The following IZUMO2 variants were observed in gnomAD, a reference collection of about 807,000 sequenced individuals.
IZUMO2 encodes izumo sperm-egg fusion protein 2.
A neutral mutation model predicts 31.2 loss-of-function variants in IZUMO2; 24 were observed. That is an observed-to-expected ratio of 0.77 (90% confidence interval 0.56 to 1.08). The LOEUF (loss-of-function observed/expected upper bound fraction) is 1.08. IZUMO2 is among the 50% of genes least tolerant of loss of function. IZUMO2 has a pLI of 0.00. For missense variants in IZUMO2, 278 were observed against 274.0 expected, an observed-to-expected ratio of 1.01 and a Z score of -0.10; for synonymous variants, 144 against 117.3, an observed-to-expected ratio of 1.23 and a Z score of -1.47.
chr19:50,154,515 A>G (rs1382753302), intron 6 of IZUMO2, 85 bp downstream of exon 6: 9 of 1,304,822 alleles, frequency 6.9e-6, no homozygotes, highest in Non-Finnish European at 9.4e-6. Flanking sequence ...CCCAAAGTAC[A>G]CAGTGACCCA....
intron 6 of IZUMO2, among the ~76,000 whole-genome samples, 169 bp from the exon 7 acceptor site, chr19:50,152,820 G>A (rs185589736): frequency 5.8e-4 from 88 of 152,214 alleles, no homozygotes; most frequent in Non-Finnish European, 9.9e-4. Flanking sequence ...TCTGCCAACC[G>A]GAGTTGGTGA....
chr19:50,157,868 C>G (rs1409437419), intron 5 of IZUMO2, among the ~76,000 whole-genome samples: 1 of 147,934 alleles, frequency 6.8e-6, no homozygotes, highest in Non-Finnish European at 1.5e-5. Flanking sequence ...TGCAGTGAGC[C>G]AAGATCCTGC....
intron 5 of IZUMO2, among the ~76,000 whole-genome samples, chr19:50,157,302 CTTT>C (rs59138628): frequency 2.4e-4 from 26 of 108,742 alleles, no homozygotes; most frequent in Admixed American, 2.8e-4. Context: ...ATTCATTATA[CTTT>C]TTTTTTTTTT....
intron 2 of IZUMO2, among the ~76,000 whole-genome samples, chr19:50,161,891 A>C (rs2030411250): frequency 6.6e-6 from 1 of 152,148 alleles, no homozygotes; most frequent in Non-Finnish European, 1.5e-5. Context: ...GGGTTGTCCC[A>C]ATCCTGCACA....
At chr19:50,157,447 T>C (rs972260451) in intron 5 of IZUMO2, among the ~76,000 whole-genome samples, 1 of 151,160 alleles carries the variant, frequency 6.6e-6, no homozygotes, top group Non-Finnish European at 1.5e-5. Flanking sequence ...GGATTACAGG[T>C]GCCTGCCACC....
intron 6 of IZUMO2, among the ~76,000 whole-genome samples, chr19:50,154,264 GTTTT>G (rs71180675): frequency 2.5e-5 from 2 of 79,280 alleles, no homozygotes; most frequent in Admixed American, 1.7e-4. Context: ...AACTTTTAGC[GTTTT>G]TTTTTTTTTT....
rs576673608 is a variant in IZUMO2 at position 50,155,835 on chromosome 19, C to G, written c.497-1109G>C. 1.4e-3 allele frequency among the ~76,000 whole-genome samples: 210 copies of G among 152,304 alleles called. 1 individual carries two copies. Among genetic ancestry groups the G allele is most frequent in the African/African-American group, 4.6e-3 (191 of 41,576 alleles). ...AAGTTCTCACCATGCTCTTGCAAGC[C>G]CTGCACCATCTGGTTCCCACGTGAC... is the stretch of plus-strand genomic sequence containing the variant. On this transcript the variant is annotated intron_variant, in intron 5 of 6. Coordinates refer to ENST00000293405, the MANE Select transcript of IZUMO2 (RefSeq NM_152358.3).
intron 6 of IZUMO2, among the ~76,000 whole-genome samples, chr19:50,153,213 G>A (rs2030085714): frequency 6.6e-6 from 1 of 152,154 alleles, no homozygotes; most frequent in Non-Finnish European, 1.5e-5. Flanking sequence ...AGGGAGCTAA[G>A]GAATGCCAGC....
intron 4 of IZUMO2, among the ~76,000 whole-genome samples, chr19:50,158,565 T>G (rs1157628614): frequency 1.3e-5 from 2 of 152,234 alleles, no homozygotes; most frequent in Non-Finnish European, 2.9e-5. Context: ...ATCCAGTAGA[T>G]TCAGCATTCT....
At chr19:50,154,540 C>T (rs2030147358) in intron 6 of IZUMO2, 60 bp downstream of exon 6, 2 of 1,595,836 alleles carry the variant, frequency 1.3e-6, no homozygotes, top group Non-Finnish European at 8.6e-7. Context: ...GGGGAGTCGC[C>T]ATTTTTGAGG....
At position 50,158,359 on chromosome 19, in the gene IZUMO2, G is replaced by A. The variant is rs879219223; in HGVS notation, c.416-11C>T. On this transcript the variant is annotated splice_polypyrimidine_tract_variant and intron_variant, in intron 4 of 6. Coordinates refer to ENST00000293405, the MANE Select transcript of IZUMO2 (RefSeq NM_152358.3). ...CTTCTTTTAGCAAGCCTAGGCAAGG[G>A]GAAAGGGAGAAGTAAGACAAGGGCA... is the stretch of plus-strand genomic sequence containing the variant. 6.3e-7 allele frequency: 1 copy of A among 1,586,746 alleles called. No individual in the cohort carries two copies. Among genetic ancestry groups the A allele is most frequent in the Non-Finnish European group, 8.6e-7 (1 of 1,157,880 alleles).
chr19:50,156,916 C>G (rs1307743982), intron 5 of IZUMO2, among the ~76,000 whole-genome samples: 1 of 152,124 alleles, frequency 6.6e-6, no homozygotes, highest in African/African-American at 2.4e-5. Flanking sequence ...AGGAAGTTGA[C>G]AGTGGGACCT....
At chr19:50,158,687 GCCTCCT>G (rs780158213) in intron 4 of IZUMO2, among the ~76,000 whole-genome samples, 12 of 152,248 alleles carry the variant, frequency 7.9e-5, no homozygotes, top group Non-Finnish European at 1.6e-4. Flanking sequence ...TGGGCACACT[GCCTCCT>G]CCTCTACTGG....
intron 5 of IZUMO2, among the ~76,000 whole-genome samples, chr19:50,157,333 C>T (rs1329651408): frequency 1.4e-5 from 2 of 146,110 alleles, no homozygotes; most frequent in Non-Finnish European, 1.5e-5. Flanking sequence ...GATGGAGTCT[C>T]GCATTGTCAC....
intron 5 of IZUMO2, among the ~76,000 whole-genome samples, chr19:50,155,863 G>A (rs1055434683): frequency 6.6e-5 from 10 of 152,250 alleles, no homozygotes; most frequent in East Asian, 1.9e-4. Flanking sequence ...CACGTGACCC[G>A]GCCATTGTTC....
intron 5 of IZUMO2, among the ~76,000 whole-genome samples, chr19:50,157,201 G>A (rs763256979): frequency 6.6e-6 from 1 of 152,104 alleles, no homozygotes; most frequent in Non-Finnish European, 1.5e-5. Context: ...CCCAAATGAA[G>A]TGAAGGAGTG....
rs770536770 is a variant in IZUMO2, at chr19:50,163,100, A to G, written c.95T>C (p.Leu32Pro). The G allele has an allele frequency of 2.6e-5, 42 of 1,611,172 alleles. No homozygotes were observed. The highest frequency in any genetic ancestry group is 3.5e-5 in the Non-Finnish European group (41 of 1,178,842). Residue 32 changes from leucine to proline, a missense_variant, in exon 1 of 7, where the codon CTG becomes CCG. Coordinates refer to ENST00000293405, the MANE Select transcript of IZUMO2 (RefSeq NM_152358.3). ...LQCDPLVLEA[L>P]GHLRSALIPS... Reference sequence around the variant, plus strand: ...GATGAGGGCGGAGCGCAGGTGACCCAGGGCCTCCAGCACCAAGGGGTCGCA... The same window carrying G: ...GATGAGGGCGGAGCGCAGGTGACCCGGGGCCTCCAGCACCAAGGGGTCGCA...
At chr19:50,160,406 AT>A (rs1435492792) in intron 2 of IZUMO2, 1 of 152,048 alleles carries the variant, frequency 6.6e-6, no homozygotes, top group Non-Finnish European at 1.5e-5. Flanking sequence ...TATTTTATAT[AT>A]TGGGTTAACT....
chr19:50,159,353 A>G (rs1477080220), intron 3 of IZUMO2, 103 bp from the exon 4 acceptor site: 8 of 1,340,810 alleles, frequency 6.0e-6, no homozygotes, highest in Non-Finnish European at 8.5e-6. Flanking sequence ...CTGGGAAAGG[A>G]GAGAAGGGAA....
Sources: gnomAD v4.1 joint callset for allele counts (sites outside exome capture counted in the v4.1 genomes callset) on GRCh38, gnomAD v4.1.1 for gene constraint, MANE v1.5 for transcripts, NCBI Gene and HGNC (gene_info 2026-07-23, HGNC 2026-07-21) for gene names.